The following CACNA1S variants were observed in gnomAD, a reference collection of about 807,000 sequenced individuals.
The protein encoded by CACNA1S is calcium voltage-gated channel subunit alpha1 S, also known as voltage-dependent L-type calcium channel subunit alpha-1S.
In CACNA1S, 126 loss-of-function variants were observed where a neutral mutation model predicts 207.4. That is an observed-to-expected ratio of 0.61 (90% CI 0.53 to 0.70). The LOEUF is 0.70. Ranked by LOEUF, CACNA1S falls within the 30% of genes least tolerant of loss-of-function variation. The pLI is 0.00. For synonymous variants in CACNA1S, 960 were observed against 932.7 expected (o/e 1.03, Z -0.53); for missense variants, 2,349 against 2,422.8 (o/e 0.97, Z 0.64).
chr1:201,047,834 C>A (rs528049967), intron 36 of CACNA1S, among the ~76,000 whole-genome samples: 36 of 152,362 alleles, frequency 2.4e-4, no homozygotes, highest in African/African-American at 8.2e-4. Context: ...CATGTACTTT[C>A]TCCCCACAGG....
At position 201,039,648 on chromosome 1, in the gene CACNA1S, G is replaced by T. The variant is rs886045792; in HGVS notation, c.*183C>A. ...ATGCCTCTTGCTGGTGAGGGGCAGG[G>T]CCTGTCCAGCTACTTCCTCCGCACT... On this transcript the variant is annotated 3_prime_UTR_variant, in exon 44 of 44. Transcript: ENST00000362061. The T allele has an allele frequency of 7.1e-6, 5 of 700,544 alleles. No homozygotes were observed. The highest frequency in any genetic ancestry group is 1.8e-5 in the African/African-American group (1 of 56,768). 43.4% of individuals were successfully genotyped at this position (700,544 alleles called of 1,614,324 possible). A position where few individuals can be genotyped will look rare whatever the true frequency, so the allele number is the denominator to read the frequency against.
chr1:201,050,453 T>C lies in CACNA1S; in HGVS notation c.4177A>G (p.Ile1393Val), dbSNP rs2102557535. The C allele has an allele frequency of 1.2e-6, 2 of 1,614,078 alleles. No homozygotes were observed. Among genetic ancestry groups the C allele is most frequent in the Non-Finnish European group, 8.5e-7 (1 of 1,179,996 alleles). The change falls in exon 34 of 44, where the codon ATC (isoleucine) becomes GTC (valine). Residue 1393 changes from isoleucine (I) to valine (V), a missense_variant. Transcript: ENST00000362061. ...TCATCCAGGTGATGAGGGCCCAGGA[T>C]GGACCAGTCCCGGGTGAGGTAGTCA... ...NFDYLTRDWS[I>V]LGPHHLDEFK... is the part of the protein sequence containing the mutation.
At chr1:201,043,133 T>TA in intron 40 of CACNA1S, 148 bp downstream of exon 40, 1 of 1,039,300 alleles carries the variant, frequency 9.6e-7, no homozygotes, top group Non-Finnish European at 1.5e-6. Context: ...GTCGGCCTCT[T>TA]ACATTAAGGT....
Position 201,069,544 on chromosome 1 carries a change from C to G in CACNA1S, c.2418G>C (p.Leu806=), listed in dbSNP as rs182634146. 41 of 1,581,720 alleles carry G rather than the reference C, an allele frequency of 2.6e-5. No individual in the cohort carries two copies. In the East Asian group the frequency reaches 9.3e-4, roughly 36 times the overall value. ...CAGCGCTGCTGAGCAGGATGAAGAG[C>G]AGGATGAAGTTGGTAAACCAGGTGG... ...VNATWFTNFI[L]LFILLSSAAL... Residue 806 remains leucine, a synonymous_variant, in exon 18 of 44, where the codon CTG becomes CTC. Transcript: ENST00000362061.
rs1660509915 is a variant in CACNA1S at position 201,047,531 on chromosome 1, T to C, written c.4537A>G (p.Ile1513Val). 3 of 1,613,170 alleles carry C rather than the reference T, an allele frequency of 1.9e-6. No homozygotes were observed. Among genetic ancestry groups the C allele is most frequent in the Admixed American group, 1.7e-5 (1 of 60,012 alleles). ...CCCCCAAAGTAGCACCTACCTCCTA[T>C]TGGAGGGATGACCTGGTCCAAGAGC... ...MKLLDQVIPPIGDDEVTVGKF... is the reference protein window; with the variant it reads ...MKLLDQVIPPVGDDEVTVGKF... Residue 1513 changes from isoleucine (I) to valine (V), a missense_variant, in exon 37 of 44, where the codon ATA becomes GTA. Physicochemically the swap from Ile to Val is conservative, Grantham distance 29 (BLOSUM62 3). Coordinates refer to ENST00000362061, the MANE Select transcript of CACNA1S (RefSeq NM_000069.3).
chr1:201,088,708 GA>G (rs1379021958), intron 6 of CACNA1S, among the ~76,000 whole-genome samples: 1 of 152,168 alleles, frequency 6.6e-6, no homozygotes, highest in East Asian at 1.9e-4. Flanking sequence ...GATGAAATAA[GA>G]AATCTAGCTC....
In CACNA1S at chr1:201,066,090, C is replaced by T. The variant is rs2102582256; in HGVS notation, c.2745+139G>A. On this transcript the variant is annotated intron_variant, in intron 21 of 43. Transcript: ENST00000362061. This position sits in a 1 kb window ranked among gnomAD's most constrained non-coding sequence, Gnocchi z 4.3. ...GGCTGGTGGGGAAGCATAGCTACCC[C>T]AGCCTCATCCTTACCCCTATCTGCC... 2 of 951,844 alleles carry T rather than the reference C, an allele frequency of 2.1e-6. No homozygotes were observed. The highest frequency in any genetic ancestry group is 2.1e-4 in the Middle Eastern group (1 of 4,804). 59.0% of individuals were successfully genotyped at this position (951,844 alleles called of 1,614,324 possible).
rs1553249519 is a variant in CACNA1S, at chr1:201,056,082, C to CACACACACACACAT, written c.3610-1522_3610-1521insATGTGTGTGTGTGT. On this transcript the variant is annotated intron_variant, in intron 28 of 43. Coordinates refer to ENST00000362061, the MANE Select transcript of CACNA1S (RefSeq NM_000069.3). ...AGACAGACAGACAGACACACACACA[C>CACACACACACACAT]ACACACACACACACACACACACACT... Among the ~76,000 whole-genome samples, 1,186 of 150,574 alleles carry CACACACACACACAT rather than the reference C, an allele frequency of 7.9e-3. 8 individuals are homozygous for CACACACACACACAT. Among genetic ancestry groups the CACACACACACACAT allele is most frequent in the Non-Finnish European group, 0.013 (906 of 67,544 alleles).
At chr1:201,086,300 T>C (rs539003483) in intron 7 of CACNA1S, among the ~76,000 whole-genome samples, 26 of 152,196 alleles carry the variant, frequency 1.7e-4, no homozygotes, top group Admixed American at 3.3e-4. Flanking sequence ...CCTATGGATC[T>C]CTCTTCAGAA....
Position 201,073,566 on chromosome 1 carries a change from T to G in CACNA1S, c.2140A>C (p.Ile714Leu). 1.2e-6 allele frequency: 2 copies of G among 1,613,806 alleles called. No individual in the cohort carries two copies. The highest frequency in any genetic ancestry group is 1.7e-6 in the Non-Finnish European group (2 of 1,179,630). The change falls in exon 15 of 44, where the codon ATC becomes CTC. Residue 714 changes from isoleucine to leucine, a missense_variant. By Grantham distance (5) the Ile-to-Leu change is conservative. Coordinates refer to ENST00000362061, the MANE Select transcript of CACNA1S (RefSeq NM_000069.3). ...KLEQKPKGEGIPTTAKLKIDE... is the reference protein window; with the variant it reads ...KLEQKPKGEGLPTTAKLKIDE... ...GTGCTCACCTTGGCAGTGGTGGGGA[T>G]GCCCTCACCCTTGGGTTTCTGCTCC... is the stretch of plus-strand genomic sequence containing the variant.
At chr1:201,109,261 G>T (rs1241928296) in intron 2 of CACNA1S, among the ~76,000 whole-genome samples, 1 of 146,838 alleles carries the variant, frequency 6.8e-6, no homozygotes, top group African/African-American at 2.6e-5. Flanking sequence ...AAAAAAAAAA[G>T]AGGTTCTAAA....
At chr1:201,108,880 C>T (rs1269915464) in intron 2 of CACNA1S, among the ~76,000 whole-genome samples, 2 of 152,154 alleles carry the variant, frequency 1.3e-5, no homozygotes, top group African/African-American at 4.8e-5. Flanking sequence ...GAGCCTGAGG[C>T]CACTGTTTAT....
Position 201,089,451 on chromosome 1 carries a change from G to T in CACNA1S, c.707C>A (p.Thr236Lys), listed in dbSNP as rs767790285. Reference protein sequence around the residue: ...CYFIGTDIVATVENEEPSPCA... With the variant: ...CYFIGTDIVAKVENEEPSPCA... ...GGGCGATGGCTCTTCATTCTCCACC[G>T]TGGCCACGATATCTGGAGGCAGAAG... Residue 236 changes from threonine (T) to lysine (K), a missense_variant, in exon 6 of 44, where the codon ACG becomes AAG. Physicochemically the swap from Thr to Lys is moderately conservative, Grantham distance 78. Transcript: ENST00000362061. 6.2e-7 allele frequency: 1 copy of T among 1,613,968 alleles called. No homozygotes were observed. Among genetic ancestry groups the T allele is most frequent in the East Asian group, 2.2e-5 (1 of 44,882 alleles).
chr1:201,082,275 C>T (rs1313280247), intron 10 of CACNA1S, among the ~76,000 whole-genome samples: 1 of 152,168 alleles, frequency 6.6e-6, no homozygotes, highest in Non-Finnish European at 1.5e-5. Context: ...GATCCACCCA[C>T]CTCAGCCTCC....
In CACNA1S at chr1:201,056,181, G is replaced by A. The variant is rs372788279; in HGVS notation, c.3610-1620C>T. Among the ~76,000 whole-genome samples the A allele has an allele frequency of 2.5e-3, 379 of 152,222 alleles. 2 individuals are homozygous for A. The highest frequency in any genetic ancestry group is 8.1e-3 in the African/African-American group (338 of 41,518). Reference sequence around the variant, plus strand: ...GGGATCTGAGCAGATGGGGTTGTCTGTCACCGTCTGTTCTGTGCATGGAGG... The same window carrying A: ...GGGATCTGAGCAGATGGGGTTGTCTATCACCGTCTGTTCTGTGCATGGAGG... On this transcript the variant is annotated intron_variant, in intron 28 of 43. Transcript: ENST00000362061.
intron 43 of CACNA1S, 26 bp downstream of exon 43, chr1:201,040,205 C>G: frequency 6.2e-7 from 1 of 1,612,874 alleles, no homozygotes; most frequent in Non-Finnish European, 8.5e-7. Flanking sequence ...AATGCAGCCA[C>G]TGCTGTGACC....
intron 28 of CACNA1S, among the ~76,000 whole-genome samples, chr1:201,056,610 T>G (rs1200387009): frequency 6.6e-6 from 1 of 152,210 alleles, no homozygotes; most frequent in African/African-American, 2.4e-5. Context: ...TTCTCTCTTT[T>G]CCACTGTGTC....
intron 40 of CACNA1S, 45 bp from the exon 41 acceptor site, chr1:201,041,634 T>C (rs1351933056): frequency 1.4e-6 from 2 of 1,393,268 alleles, no homozygotes; most frequent in African/African-American, 2.8e-5. Context: ...GGCTGCTAGC[T>C]CTCTCGGCAT....
rs775975526 is a variant in CACNA1S, at chr1:201,077,935, G to T, written c.1563C>A (p.Pro521=). ...ILLVESGAMT[P]LGISVLRCIR... Reference sequence around the variant, plus strand: ...TGCAGCGGAGCACGGAGATGCCCAGGGGTGTCATGGCACCCGACTCCACCA... The same window carrying T: ...TGCAGCGGAGCACGGAGATGCCCAGTGGTGTCATGGCACCCGACTCCACCA... The change falls in exon 11 of 44, where the codon CCC becomes CCA. Residue 521 remains proline, a synonymous_variant. Coordinates refer to ENST00000362061, the MANE Select transcript of CACNA1S (RefSeq NM_000069.3). The T allele has an allele frequency of 2.5e-6, 4 of 1,614,112 alleles. No homozygotes were observed. In the Admixed American group the frequency reaches 6.7e-5, roughly 27 times the overall value.
Sources: gnomAD v4.1 joint callset for allele counts (sites outside exome capture counted in the v4.1 genomes callset) on GRCh38, gnomAD v4.1.1 for gene constraint, Gnocchi (gnomAD v3.1) non-coding constraint, MANE v1.5 for transcripts, NCBI Gene and HGNC (gene_info 2026-07-23, HGNC 2026-07-21) for gene names.